Variants in TTC6 observed in about 807,000 individuals in gnomAD.
The protein encoded by TTC6 is tetratricopeptide repeat protein 6.
In TTC6, 172 loss-of-function variants were observed where a neutral mutation model predicts 210.4. The ratio of observed to expected loss-of-function variants is 0.82; its 90% CI spans 0.72 to 0.93. The LOEUF (loss-of-function observed/expected upper bound fraction) is 0.93, where lower values mean the gene tolerates loss of function less well. Among genes scored for constraint, TTC6 ranks in the 40% least tolerant of loss-of-function variants. The pLI is 0.00. For missense variants in TTC6, 2,414 were observed against 2,318.1 expected (o/e 1.04, Z -0.85); for synonymous variants, 804 against 819.6 (o/e 0.98, Z 0.32).
At chr14:37,717,924 A>G (rs1224672442) in intron 6 of TTC6, among the ~76,000 whole-genome samples, 2 of 152,182 alleles carry the variant, frequency 1.3e-5, no homozygotes, top group African/African-American at 2.4e-5. Flanking sequence ...GAAGAATGCT[A>G]TTAGAAATGG....
intron 26 of TTC6, 122 bp downstream of exon 28, chr14:37,817,773 A>C: frequency 1.0e-6 from 1 of 976,494 alleles, no homozygotes. Context: ...AATGTTATAG[A>C]GTACAAAAAT....
chr14:37,817,532 T>G (rs2096144967), intron 25 of TTC6, 46 bp from the exon 28 acceptor site: 1 of 1,575,574 alleles, frequency 6.3e-7, no homozygotes, highest in Non-Finnish European at 8.7e-7. Flanking sequence ...AGATAGCACA[T>G]AAAATAATGT....
chr14:37,764,935 ACTTTTT>A (rs1235915254), intron 14 of TTC6, among the ~76,000 whole-genome samples: 2 of 146,542 alleles, frequency 1.4e-5, no homozygotes, highest in African/African-American at 2.5e-5. Context: ...TAATTGCTTT[ACTTTTT>A]AATTGATTTT....
At chr14:37,666,269 A>G (rs757148991) in intron 1 of TTC6, among the ~76,000 whole-genome samples, 5 of 149,406 alleles carry the variant, frequency 3.3e-5, no homozygotes, top group Non-Finnish European at 7.5e-5. Context: ...TGCTTTATAC[A>G]CTGGGCCTCC....
At chr14:37,680,383 C>G (rs1320389621) in intron 2 of TTC6, 122 bp downstream of exon 4, 2 of 633,416 alleles carry the variant, frequency 3.2e-6, no homozygotes, top group African/African-American at 3.7e-5. Flanking sequence ...GTGTGTTTAC[C>G]TGTGAGAGCA....
chr14:37,740,053 G>C (rs535095284), intron 10 of TTC6, among the ~76,000 whole-genome samples: 1 of 151,342 alleles, frequency 6.6e-6, no homozygotes, highest in Non-Finnish European at 1.5e-5. Context: ...AGTCCCAGCT[G>C]TTCGGGAGGC....
At chr14:37,704,844 A>C (rs2095832279) in intron 5 of TTC6, among the ~76,000 whole-genome samples, 2 of 152,054 alleles carry the variant, frequency 1.3e-5, no homozygotes, top group Non-Finnish European at 2.9e-5. Flanking sequence ...CTTTGGAAAA[A>C]ATTAAATATT....
At chr14:37,640,538 T>G (rs896686657) in intron 1 of TTC6, among the ~76,000 whole-genome samples, 1 of 151,904 alleles carries the variant, frequency 6.6e-6, no homozygotes, top group Non-Finnish European at 1.5e-5. Context: ...AATGTAGAGG[T>G]TTTTTTTGTT....
chr14:37,738,661 T>C, intron 9 of TTC6, 115 bp from the exon 12 acceptor site: 4 of 933,420 alleles, frequency 4.3e-6, no homozygotes, highest in Non-Finnish European at 5.9e-6. Flanking sequence ...TTTTAAACTT[T>C]TAAATTAAGT....
At chr14:37,839,703 TA>T (rs1455980959) in intron 29 of TTC6, among the ~76,000 whole-genome samples, 1 of 152,250 alleles carries the variant, frequency 6.6e-6, no homozygotes, top group Non-Finnish European at 1.5e-5. Flanking sequence ...TTTGGTGTTT[TA>T]GTCATGAAGT....
At chr14:37,720,114 G>A (rs1023023301) in intron 6 of TTC6, among the ~76,000 whole-genome samples, 2 of 152,086 alleles carry the variant, frequency 1.3e-5, no homozygotes, top group Non-Finnish European at 2.9e-5. Flanking sequence ...AGCTATTAGG[G>A]AAATGCAAAT....
At chr14:37,673,337 A>G (rs916479313) in intron 1 of TTC6, among the ~76,000 whole-genome samples, 1 of 152,190 alleles carries the variant, frequency 6.6e-6, no homozygotes, top group Non-Finnish European at 1.5e-5. Context: ...ACCTGTGTGG[A>G]CAAATATTGT....
At chr14:37,689,556 G>A (rs2095799916) in intron 3 of TTC6, among the ~76,000 whole-genome samples, 1 of 151,944 alleles carries the variant, frequency 6.6e-6, no homozygotes, top group Non-Finnish European at 1.5e-5. Flanking sequence ...GATAAAGAAA[G>A]GATTTCAAAA....
intron 10 of TTC6, among the ~76,000 whole-genome samples, chr14:37,746,082 G>T (rs897645889): frequency 6.6e-6 from 1 of 152,118 alleles, no homozygotes; most frequent in Non-Finnish European, 1.5e-5. Flanking sequence ...TTAAAATCCT[G>T]TTACTACTAT....
chr14:37,670,353 C>A (rs2138471300), intron 1 of TTC6, among the ~76,000 whole-genome samples: 1 of 151,898 alleles, frequency 6.6e-6, no homozygotes, highest in Non-Finnish European at 1.5e-5. Flanking sequence ...TGATTAAATA[C>A]ATTTCGTGAT....
chr14:37,668,601 C>T (rs2095752672), intron 1 of TTC6, among the ~76,000 whole-genome samples: 1 of 135,520 alleles, frequency 7.4e-6, no homozygotes, highest in Non-Finnish European at 1.8e-5. Flanking sequence ...GCCCATTTTA[C>T]TGGCTAAAGC....
At chr14:37,771,891 A>T (rs367722207) in intron 14 of TTC6, among the ~76,000 whole-genome samples, 26 of 152,040 alleles carry the variant, frequency 1.7e-4, no homozygotes, top group South Asian at 1.0e-3. Flanking sequence ...TGCTTTTTAG[A>T]GTTTCCAGTT....
intron 1 of TTC6, among the ~76,000 whole-genome samples, chr14:37,661,996 G>A (rs1032233043): frequency 2.0e-5 from 3 of 152,128 alleles, no homozygotes; most frequent in Admixed American, 6.6e-5. Flanking sequence ...AGGAATGCTA[G>A]CAATTTTTGC....
At chr14:37,617,057 G>T (rs947497320) in intron 2 of TTC6, among the ~76,000 whole-genome samples, 1 of 151,848 alleles carries the variant, frequency 6.6e-6, no homozygotes, top group African/African-American at 2.4e-5. Flanking sequence ...TTTACTTTTT[G>T]TAGAGACAGG....
Sources: allele counts gnomAD v4.1 joint callset (sites outside exome capture counted in the v4.1 genomes callset), GRCh38; gene constraint gnomAD v4.1.1; transcripts MANE v1.5; gene names NCBI Gene and HGNC (gene_info 2026-07-23, HGNC 2026-07-21).